Variants in LRRC36 observed in about 807,000 individuals in gnomAD.
LRRC36 encodes the protein leucine-rich repeat-containing protein 36.
A neutral mutation model predicts 81.1 loss-of-function variants in LRRC36; 62 were observed. The observed-to-expected ratio is 0.76, with a 90% CI of 0.62 to 0.94. The LOEUF (loss-of-function observed/expected upper bound fraction) is 0.94, where lower values mean the gene tolerates loss of function less well. Ranked by LOEUF, LRRC36 falls within the 40% of genes least tolerant of loss-of-function variation. The pLI, the probability that LRRC36 is intolerant of heterozygous loss-of-function variation, is 0.00. For missense variants in LRRC36, 761 were observed against 881.7 expected (o/e 0.86, Z 1.73); for synonymous variants, 334 against 348.6 (o/e 0.96, Z 0.47).
Position 67,327,062 on chromosome 16 carries a change from G to C in LRRC36, c.70+130G>C. On this transcript the variant is annotated intron_variant, in intron 1 of 13. Coordinates refer to ENST00000329956, the MANE Select transcript of LRRC36 (RefSeq NM_018296.6). ...ACAGAGAAGCGGTACCTGAGGCTGG[G>C]GGGCGGGGGGATAACTTGAGGCAGA... 3 of 876,298 alleles carry C rather than the reference G, an allele frequency of 3.4e-6. No homozygotes were observed. In the South Asian group the frequency reaches 5.8e-5, roughly 17 times the overall value. 54.3% of individuals were successfully genotyped at this position (876,298 alleles called of 1,614,324 possible). A position where few individuals can be genotyped will look rare whatever the true frequency, so the allele number is the denominator to read the frequency against.
At position 67,340,118 on chromosome 16, in the gene LRRC36, G is replaced by C. The variant is rs559163924; in HGVS notation, c.71-1839G>C. On this transcript the variant is annotated intron_variant, in intron 1 of 13. Coordinates refer to ENST00000329956, the MANE Select transcript of LRRC36 (RefSeq NM_018296.6). ...GATCGCACCATTGCACTCCAGCCTG[G>C]GTGACAAGAGTGAGATTCCATCTCA... 1.0e-3 allele frequency among the ~76,000 whole-genome samples: 153 copies of C among 151,862 alleles called. 1 individual carries two copies. Among genetic ancestry groups the C allele is most frequent in the Admixed American group, 1.8e-3 (27 of 15,234 alleles).
intron 1 of LRRC36, among the ~76,000 whole-genome samples, chr16:67,339,309 A>G (rs1478907207): frequency 6.6e-6 from 1 of 151,812 alleles, no homozygotes; most frequent in East Asian, 1.9e-4. Flanking sequence ...TTATGAAAAT[A>G]ATTCTTTAAA....
At chr16:67,351,537 T>C (rs1332337349) in intron 5 of LRRC36, among the ~76,000 whole-genome samples, 1 of 152,044 alleles carries the variant, frequency 6.6e-6, no homozygotes, top group Non-Finnish European at 1.5e-5. Flanking sequence ...CAAAACCCCA[T>C]CTCTACTAAA....
intron 5 of LRRC36, among the ~76,000 whole-genome samples, chr16:67,358,395 T>C (rs2038994806): frequency 6.6e-6 from 1 of 152,102 alleles, no homozygotes; most frequent in Non-Finnish European, 1.5e-5. Context: ...CAGGCTGCAG[T>C]ACAGTGGCAC....
At chr16:67,354,458 A>G (rs2038806904) in intron 5 of LRRC36, among the ~76,000 whole-genome samples, 1 of 152,006 alleles carries the variant, frequency 6.6e-6, no homozygotes, top group African/African-American at 2.4e-5. Flanking sequence ...TTGTGTTTTT[A>G]GTAGAGATAG....
chr16:67,370,992 A>G lies in LRRC36; in HGVS notation c.1244A>G (p.Asn415Ser). The G allele has an allele frequency of 6.2e-7, 1 of 1,614,166 alleles. No individual in the cohort carries two copies. Among genetic ancestry groups the G allele is most frequent in the Non-Finnish European group, 8.5e-7 (1 of 1,180,034 alleles). Residue 415 changes from asparagine to serine, a missense_variant, in exon 9 of 14, where the codon AAT becomes AGT. Physicochemically the swap from Asn to Ser is conservative, Grantham distance 46 (BLOSUM62 1). This residue lies in a region of LRRC36 where 139 missense variants were observed against 214.0 expected (regional missense o/e 0.65). Coordinates refer to ENST00000329956, the MANE Select transcript of LRRC36 (RefSeq NM_018296.6). ...AACAGTGACCCTGCTGTACTTGTCA[A>G]TGTAGAGCAACAATTATCTACCAGC... ...HFNSDPAVLVNVEQQLSTSLD... is the reference protein window; with the variant it reads ...HFNSDPAVLVSVEQQLSTSLD...
chr16:67,334,192 C>T (rs1055291542), intron 1 of LRRC36, among the ~76,000 whole-genome samples: 8 of 150,162 alleles, frequency 5.3e-5, no homozygotes, highest in Non-Finnish European at 8.9e-5. Context: ...CCACTGTGCC[C>T]GGCTAATTTT....
rs2038342921 is a variant in LRRC36, at chr16:67,346,272, G to A, written c.215G>A (p.Cys72Tyr). 2 of 1,584,034 alleles carry A rather than the reference G, an allele frequency of 1.3e-6. No homozygotes were observed. The highest frequency in any genetic ancestry group is 4.5e-5 in the East Asian group (2 of 44,244). ...TCCTTGTAGGGAATCCAGTATTTAT[G>A]TTCACTCCAAGACCTGAATTTATAT... ...ITSLKGIQYL[C>Y]SLQDLNLYYN... The change falls in exon 3 of 14, where the codon TGT becomes TAT. Residue 72 changes from cysteine to tyrosine, a missense_variant. Transcript: ENST00000329956.
At chr16:67,378,516 A>AG (rs1489524477) in intron 11 of LRRC36, 73 bp from the exon 12 acceptor site, 3 of 1,451,998 alleles carry the variant, frequency 2.1e-6, no homozygotes. Context: ...CTAGGATTAC[A>AG]GGCGTGAGCC....
chr16:67,376,925 A>G (rs1285278957), intron 11 of LRRC36, 53 bp downstream of exon 11: 42 of 1,543,982 alleles, frequency 2.7e-5, no homozygotes, highest in Non-Finnish European at 3.3e-5. Context: ...GAACTACAAC[A>G]TCTCTGCCTT....
chr16:67,360,269 T>C (rs926654339), intron 5 of LRRC36, among the ~76,000 whole-genome samples: 21 of 152,112 alleles, frequency 1.4e-4, no homozygotes, highest in Non-Finnish European at 2.6e-4. Flanking sequence ...CAGATGTAAG[T>C]GATAGCTAAA....
intron 1 of LRRC36, among the ~76,000 whole-genome samples, chr16:67,330,283 A>G (rs952318070): frequency 1.3e-5 from 2 of 152,118 alleles, no homozygotes; most frequent in African/African-American, 2.4e-5. Flanking sequence ...GCCACTGAAT[A>G]TGATTACCTA....
chr16:67,337,581 A>G (rs1340030420), intron 1 of LRRC36, among the ~76,000 whole-genome samples: 1 of 151,576 alleles, frequency 6.6e-6, no homozygotes, highest in Non-Finnish European at 1.5e-5. Context: ...TCTGGTCTCA[A>G]ACTCCTGGCC....
chr16:67,354,074 C>T (rs1055219161), intron 5 of LRRC36, among the ~76,000 whole-genome samples: 16 of 152,148 alleles, frequency 1.1e-4, no homozygotes, highest in African/African-American at 3.4e-4. Context: ...TGTAATTTGT[C>T]TCTTCAGCCT....
chr16:67,384,752 T>G, intron 13 of LRRC36, 118 bp from the exon 14 acceptor site: 1 of 689,498 alleles, frequency 1.5e-6, no homozygotes, highest in East Asian at 2.5e-5. Flanking sequence ...ATTGGACAGT[T>G]CCTTCTATTT....
In LRRC36 at chr16:67,376,827, G is replaced by A; in HGVS notation, c.1761G>A (p.Arg587=). Residue 587 remains arginine (R), a synonymous_variant, in exon 11 of 14, where the codon AGG becomes AGA. Coordinates refer to ENST00000329956, the MANE Select transcript of LRRC36 (RefSeq NM_018296.6). ...PEDTMKAFCR[R]ELELKEAAQL... ...ACACGATGAAAGCATTCTGCAGGAG[G>A]GAGCTTGAACTGAAGGAGGCTGCGC... 2.5e-6 allele frequency: 4 copies of A among 1,613,976 alleles called. No individual in the cohort carries two copies. Among genetic ancestry groups the A allele is most frequent in the Non-Finnish European group, 3.4e-6 (4 of 1,179,842 alleles).
intron 9 of LRRC36, chr16:67,372,034 A>G (rs1032761817): frequency 6.6e-6 from 1 of 152,320 alleles, no homozygotes; most frequent in Non-Finnish European, 1.5e-5. Flanking sequence ...CCATTCCCAC[A>G]TAAACAATAT....
In LRRC36 at chr16:67,346,461, T is replaced by A. The variant is rs774046866; in HGVS notation, c.391+13T>A. ...CTGGAGAAATTAGGTAAGACCTTCC[T>A]TCTCTGTTCCTGTCCACAGAATCTT... On this transcript the variant is annotated intron_variant, in intron 3 of 13. Coordinates refer to ENST00000329956, the MANE Select transcript of LRRC36 (RefSeq NM_018296.6). The A allele has an allele frequency of 1.3e-6, 2 of 1,537,838 alleles. No individual in the cohort carries two copies. The highest frequency in any genetic ancestry group is 2.7e-5 in the African/African-American group (2 of 73,512).
chr16:67,375,222 T>G (rs1419664119), intron 9 of LRRC36, 25 bp from the exon 10 acceptor site: 2 of 1,606,394 alleles, frequency 1.2e-6, no homozygotes, highest in Non-Finnish European at 1.7e-6. Flanking sequence ...TGTTTGTTTG[T>G]TTTTGCTTTT....
Sources: gnomAD v4.1 joint callset for allele counts (sites outside exome capture counted in the v4.1 genomes callset) on GRCh38, gnomAD v4.1.1 for gene constraint, gnomAD v4.1.1 regional missense constraint, MANE v1.5 for transcripts, NCBI Gene and HGNC (gene_info 2026-07-23, HGNC 2026-07-21) for gene names.